Variants in PRDM11 observed in about 807,000 individuals in gnomAD.
PRDM11 encodes PR/SET domain 11, also known as PR domain-containing protein 11.
Under a neutral mutation model 97.8 loss-of-function variants are expected in PRDM11, and 20 were observed. That is an observed-to-expected ratio of 0.20 (90% CI 0.14 to 0.30). PRDM11 has a LOEUF of 0.30. Ranked by LOEUF, PRDM11 falls within the 10% of genes least tolerant of loss-of-function variation. The pLI is 1.00. For missense variants in PRDM11, 1,139 were observed against 1,555.2 expected, an observed-to-expected ratio of 0.73 and a Z score of 4.50; for synonymous variants, 599 against 637.7, an observed-to-expected ratio of 0.94 and a Z score of 0.91.
chr11:45,215,649 G>A (rs916187306), intron 5 of PRDM11, among the ~76,000 whole-genome samples: 4 of 152,230 alleles, frequency 2.6e-5, no homozygotes, highest in Non-Finnish European at 4.4e-5. Flanking sequence ...CTTCAGTGGG[G>A]ATTGTTGGGC....
chr11:45,168,670 A>G (rs1333293070), intron 1 of PRDM11, among the ~76,000 whole-genome samples: 2 of 152,118 alleles, frequency 1.3e-5, no homozygotes, highest in African/African-American at 4.8e-5. Context: ...GTGTGGGGAG[A>G]TCACTTAACA....
intron 1 of PRDM11, among the ~76,000 whole-genome samples, chr11:45,134,525 C>T (rs1852790131): frequency 6.6e-6 from 1 of 151,256 alleles, no homozygotes; most frequent in Non-Finnish European, 1.5e-5. Flanking sequence ...ACAGCAAAAC[C>T]CTGTCTCTAC....
At chr11:45,144,698 T>C (rs1179267705), upstream of PRDM11, among the ~76,000 whole-genome samples, 1 of 152,224 alleles carries the variant, frequency 6.6e-6, no homozygotes, top group Non-Finnish European at 1.5e-5. Flanking sequence ...AGGTCTTTGC[T>C]TCTGCTCTTT....
In PRDM11 at chr11:45,224,682, A is replaced by G; in HGVS notation, c.1208A>G (p.His403Arg). ...GAGGCCTCCCTTGCATCTGACCCTC[A>G]TGAACTTCCCACCACCTCTTTTTGC... Reference protein sequence around the residue: ...PAEASLASDPHELPTTSFCPN... With the variant: ...PAEASLASDPRELPTTSFCPN... Residue 403 changes from histidine to arginine, a missense_variant, in exon 7 of 8, where the codon CAT becomes CGT. Physicochemically the swap from His to Arg is conservative, Grantham distance 29. Around this residue, in one of 2 missense-constraint regions of PRDM11, gnomAD observed 710 missense variants for 1,044.9 expected, o/e 0.68. Coordinates refer to ENST00000683152, the MANE Select transcript of PRDM11 (RefSeq NM_001384648.1). 1 of 1,614,184 alleles carries G rather than the reference A, an allele frequency of 6.2e-7. No individual in the cohort carries two copies. The highest frequency in any genetic ancestry group is 8.5e-7 in the Non-Finnish European group (1 of 1,180,032).
At chr11:45,136,191 A>T (rs977193841) in intron 1 of PRDM11, among the ~76,000 whole-genome samples, 1 of 152,238 alleles carries the variant, frequency 6.6e-6, no homozygotes, top group East Asian at 1.9e-4. Context: ...GTTTTAAAAC[A>T]TAATATCTAG....
At chr11:45,201,096 T>C (rs1465137561) in intron 4 of PRDM11, among the ~76,000 whole-genome samples, 1 of 152,134 alleles carries the variant, frequency 6.6e-6, no homozygotes, top group African/African-American at 2.4e-5. Flanking sequence ...GAATGTGCAA[T>C]TGGGAAGAAA....
intron 4 of PRDM11, among the ~76,000 whole-genome samples, chr11:45,198,482 T>G (rs1853210962): frequency 6.6e-6 from 1 of 152,258 alleles, no homozygotes; most frequent in Non-Finnish European, 1.5e-5. Context: ...ACTACTTTGC[T>G]CTATGAAGAA....
At chr11:45,145,279 G>A (rs1000004841), upstream of PRDM11, among the ~76,000 whole-genome samples, 1 of 152,210 alleles carries the variant, frequency 6.6e-6, no homozygotes, top group African/African-American at 2.4e-5. Flanking sequence ...GAGATTCCAA[G>A]AAGCTGTGTT....
chr11:45,205,996 C>T lies in PRDM11; in HGVS notation c.554+1218C>T, dbSNP rs1853496607. Among the ~76,000 whole-genome samples, 5 of 152,296 alleles carry T rather than the reference C, an allele frequency of 3.3e-5. 1 individual carries two copies. In the South Asian group the frequency reaches 1.0e-3, roughly 32 times the overall value. ...GAGAATAGCACCGACTGCCCCCAAC[C>T]TCCTTGGACACAGCTGATCCGACAC... On this transcript the variant is annotated intron_variant, in intron 5 of 7. Transcript: ENST00000683152.
chr11:45,211,237 A>G (rs1853722043), intron 5 of PRDM11, among the ~76,000 whole-genome samples: 1 of 152,152 alleles, frequency 6.6e-6, no homozygotes, highest in African/African-American at 2.4e-5. Context: ...GCCAAGAGAC[A>G]CAGGACTCTT....
At chr11:45,163,706 C>A (rs944530695) in intron 1 of PRDM11, among the ~76,000 whole-genome samples, 3 of 152,230 alleles carry the variant, frequency 2.0e-5, no homozygotes, top group Non-Finnish European at 4.4e-5. Context: ...GTGCACCACC[C>A]TGTAAAGTGA....
At chr11:45,113,788 TTGTG>T (rs142584346) in intron 1 of PRDM11, among the ~76,000 whole-genome samples, 3,067 of 137,180 alleles carry the variant, frequency 0.022, 70 homozygotes, top group South Asian at 0.054. Flanking sequence ...TGCTACTGAT[TTGTG>T]TGTGTGTGTG....
intron 1 of PRDM11, among the ~76,000 whole-genome samples, chr11:45,105,598 ACAG>A (rs1391241860): frequency 6.6e-6 from 1 of 152,224 alleles, no homozygotes; most frequent in Admixed American, 6.5e-5. Flanking sequence ...AGCCGTGGTG[ACAG>A]CAGAGCCATG....
At chr11:45,183,219 C>T in intron 4 of PRDM11, 96 bp downstream of exon 4, 1 of 1,428,136 alleles carries the variant, frequency 7.0e-7, no homozygotes, top group South Asian at 1.4e-5. Flanking sequence ...GGCCCCAGAA[C>T]TTTTCTACCA....
upstream of PRDM11, among the ~76,000 whole-genome samples, chr11:45,146,391 TTC>T (rs1851508668): frequency 6.6e-6 from 1 of 152,164 alleles, no homozygotes; most frequent in East Asian, 1.9e-4. Flanking sequence ...AGTTCGAAAG[TTC>T]TCTCTTAACC....
intron 1 of PRDM11, among the ~76,000 whole-genome samples, chr11:45,160,700 A>G (rs990712933): frequency 1.1e-4 from 17 of 152,242 alleles, no homozygotes; most frequent in Non-Finnish European, 2.4e-4. Flanking sequence ...CTCCTTGCAC[A>G]TATCTAGAGC....
intron 4 of PRDM11, among the ~76,000 whole-genome samples, chr11:45,191,185 A>G (rs529040554): frequency 2.0e-5 from 3 of 152,226 alleles, no homozygotes; most frequent in East Asian, 3.9e-4. Context: ...TGTTTGCATA[A>G]TGTTCCACAG....
At chr11:45,178,814 C>T (rs1280608155) in intron 1 of PRDM11, among the ~76,000 whole-genome samples, 1 of 152,224 alleles carries the variant, frequency 6.6e-6, no homozygotes, top group Non-Finnish European at 1.5e-5. Context: ...TTGTCTTTCC[C>T]TAGTCTTGGC....
At position 45,227,149 on chromosome 11, in the gene PRDM11, T is replaced by C; in HGVS notation, c.2524T>C (p.Tyr842His). The stretch of plus-strand genomic sequence containing the variant: ...CGTCCTCAACGCTCTCATCAAGGAC[T>C]ACCTGGAGGTGGTGGCCCATCTCAA... ...QNVLNALIKD[Y>H]LEVVAHLKEV... The change falls in exon 8 of 8, where the codon TAC becomes CAC. Residue 842 changes from tyrosine (Y) to histidine (H), a missense_variant. Tyr to His is a moderately conservative substitution (Grantham distance 83, BLOSUM62 2). Transcript: ENST00000683152. The surrounding 1 kb of genome is among the most constrained non-coding windows in gnomAD (Gnocchi z 8.0). 2 of 1,533,974 alleles carry C rather than the reference T, an allele frequency of 1.3e-6. No individual in the cohort carries two copies. The highest frequency in any genetic ancestry group is 1.7e-6 in the Non-Finnish European group (2 of 1,146,728).
Sources: gnomAD v4.1 joint callset for allele counts (sites outside exome capture counted in the v4.1 genomes callset) on GRCh38, gnomAD v4.1.1 for gene constraint, gnomAD v4.1.1 regional missense constraint, Gnocchi (gnomAD v3.1) non-coding constraint, MANE v1.5 for transcripts, NCBI Gene and HGNC (gene_info 2026-07-23, HGNC 2026-07-21) for gene names.